The following ITPR1 variants were observed in gnomAD, a reference collection of about 807,000 sequenced individuals.
The protein encoded by ITPR1 is inositol 1,4,5-trisphosphate receptor type 1, also known as inositol 1,4,5-trisphosphate-gated calcium channel ITPR1.
In ITPR1, 96 loss-of-function variants were observed where a neutral mutation model predicts 318.4. The observed-to-expected ratio is 0.30, with a 90% confidence interval of 0.26 to 0.36. ITPR1 has a LOEUF of 0.36. Ranked by LOEUF, ITPR1 falls within the 10% of genes least tolerant of loss-of-function variation. ITPR1 has a pLI of 1.00. For missense variants in ITPR1, 2,440 were observed against 3,460.2 expected, an observed-to-expected ratio of 0.71 and a Z score of 7.40; for synonymous variants, 1,312 against 1,289.9, an observed-to-expected ratio of 1.02 and a Z score of -0.37.
intron 4 of ITPR1, among the ~76,000 whole-genome samples, chr3:4,602,658 A>C (rs1228825098): frequency 6.6e-6 from 1 of 152,194 alleles, no homozygotes; most frequent in Non-Finnish European, 1.5e-5. Context: ...GTAGACACAC[A>C]GTGGAATATT....
intron 4 of ITPR1, among the ~76,000 whole-genome samples, chr3:4,561,356 T>C (rs1324362793): frequency 1.3e-5 from 2 of 152,236 alleles, no homozygotes; most frequent in African/African-American, 4.8e-5. Flanking sequence ...CAGTGACTGA[T>C]AATGATATTG....
intron 2 of ITPR1, among the ~76,000 whole-genome samples, chr3:4,496,202 T>G (rs2080551450): frequency 6.6e-6 from 1 of 152,234 alleles, no homozygotes; most frequent in Non-Finnish European, 1.5e-5. Context: ...TTCGAAAGTT[T>G]AAACTGCAGT....
At chr3:4,841,040 AG>A (rs2051305568) in intron 61 of ITPR1, among the ~76,000 whole-genome samples, 1 of 152,226 alleles carries the variant, frequency 6.6e-6, no homozygotes, top group Non-Finnish European at 1.5e-5. Flanking sequence ...TAAGGACAGA[AG>A]GCATAACACA....
chr3:4,818,523 C>G (rs561353865), intron 60 of ITPR1, among the ~76,000 whole-genome samples: 1 of 152,292 alleles, frequency 6.6e-6, no homozygotes, highest in South Asian at 2.1e-4. Context: ...GGATTTTAAT[C>G]TGGATCAAAC....
chr3:4,673,227 C>G lies in ITPR1; in HGVS notation c.2296C>G (p.Leu766Val). 3 of 1,614,026 alleles carry G rather than the reference C, an allele frequency of 1.9e-6. No individual in the cohort carries two copies. Among genetic ancestry groups the G allele is most frequent in the Non-Finnish European group, 2.5e-6 (3 of 1,179,892 alleles). ...ISGQLDVDLILRCMSDENLPY... is the reference protein window; with the variant it reads ...ISGQLDVDLIVRCMSDENLPY... ...AGGCCAGCTGGATGTCGATCTCATT[C>G]TCCGCTGCATGTCTGACGAGAACCT... is the stretch of plus-strand genomic sequence containing the variant. The change falls in exon 21 of 62, where the codon CTC becomes GTC. Residue 766 changes from leucine (L) to valine (V), a missense_variant. Transcript: ENST00000649015.
At chr3:4,746,407 C>G (rs1021348092) in intron 44 of ITPR1, among the ~76,000 whole-genome samples, 1 of 152,202 alleles carries the variant, frequency 6.6e-6, no homozygotes, top group East Asian at 1.9e-4. Flanking sequence ...GCAACTCATG[C>G]CTGCCAATCC....
intron 44 of ITPR1, among the ~76,000 whole-genome samples, chr3:4,744,831 TA>T (rs2043960558): frequency 6.6e-6 from 1 of 152,184 alleles, no homozygotes. Context: ...ACTCAGCTAA[TA>T]AATGGGAATT....
At chr3:4,706,466 T>A in intron 37 of ITPR1, 115 bp downstream of exon 37, 3 of 888,590 alleles carry the variant, frequency 3.4e-6, no homozygotes, top group Non-Finnish European at 3.3e-6. Flanking sequence ...AAGATGTCGG[T>A]GTGCTGAACG....
chr3:4,815,763 GC>G (rs1202363109), intron 59 of ITPR1, among the ~76,000 whole-genome samples: 1 of 151,970 alleles, frequency 6.6e-6, no homozygotes, highest in Admixed American at 6.6e-5. Context: ...TCATAATATA[GC>G]TACTAAATAT....
rs958317788 is a variant in ITPR1 at position 4,706,032 on chromosome 3, T to C, written c.4658-135T>C. 6.3e-6 allele frequency: 5 copies of C among 794,448 alleles called. No homozygotes were observed. The Admixed American group carries it at 7.9e-5, about 13-fold the overall frequency. The allele number at this position is 794,448 out of a possible 1,614,324, so 49.2% of individuals were successfully genotyped here. A position where few individuals can be genotyped will look rare whatever the true frequency, so the allele number is the denominator to read the frequency against. ...AAAGTTGACTTGAGCTTCTCAGTCT[T>C]TAAGCTCAATACCAGGCAAGCTGGC... On this transcript the variant is annotated intron_variant, in intron 36 of 61. Transcript: ENST00000649015.
intron 44 of ITPR1, among the ~76,000 whole-genome samples, chr3:4,762,457 G>T (rs189766363): frequency 6.6e-6 from 1 of 152,332 alleles, no homozygotes; most frequent in East Asian, 1.9e-4. Flanking sequence ...GTGGAGCTGA[G>T]ATCCAGGCCT....
chr3:4,512,170 A>G (rs2081881804), intron 2 of ITPR1, among the ~76,000 whole-genome samples: 2 of 152,050 alleles, frequency 1.3e-5, no homozygotes, highest in African/African-American at 4.8e-5. Context: ...TTTTGTAGAA[A>G]TGGGGTCTGG....
intron 29 of ITPR1, 98 bp downstream of exon 29, chr3:4,684,444 T>G: frequency 1.2e-6 from 1 of 840,954 alleles, no homozygotes; most frequent in African/African-American, 1.7e-5. Flanking sequence ...CATTTGAGCT[T>G]TTTTCTTCAT....
intron 4 of ITPR1, among the ~76,000 whole-genome samples, chr3:4,610,997 T>TTCTCCTTCTCCTTCTCCTTCTCCC (rs2092060392): frequency 1.4e-5 from 1 of 70,930 alleles, no homozygotes; most frequent in Non-Finnish European, 2.6e-5. Flanking sequence ...CTCCTTCTCC[T>TTCTCCTTCTCCTTCTCCTTCTCCC]TCCCTTCCCT....
intron 4 of ITPR1, among the ~76,000 whole-genome samples, chr3:4,616,395 C>G (rs1258171872): frequency 6.6e-6 from 1 of 152,124 alleles, no homozygotes; most frequent in Non-Finnish European, 1.5e-5. Context: ...TCTTAACCCC[C>G]TTGGTGGGGA....
At chr3:4,791,614 A>T (rs772973669) in intron 52 of ITPR1, among the ~76,000 whole-genome samples, 1 of 152,168 alleles carries the variant, frequency 6.6e-6, no homozygotes, top group African/African-American at 2.4e-5. Context: ...GACCCCTGCT[A>T]TAAGGTACAG....
intron 61 of ITPR1, among the ~76,000 whole-genome samples, chr3:4,840,270 T>G (rs2051246860): frequency 2.6e-5 from 4 of 152,160 alleles, no homozygotes. Flanking sequence ...GAGCTGCTCT[T>G]TCTTAAATAG....
rs114204593 is a variant in ITPR1, at chr3:4,664,305, G to A, written c.1555-833G>A. Reference sequence around the variant, plus strand: ...AAACTGGTATAAAGACAAATTAGAGGCAGTAAAGTGACAAATCCAGAGTAG... The same window carrying A: ...AAACTGGTATAAAGACAAATTAGAGACAGTAAAGTGACAAATCCAGAGTAG... On this transcript the variant is annotated intron_variant, in intron 16 of 61. Transcript: ENST00000649015. 7.1e-3 allele frequency among the ~76,000 whole-genome samples: 1,086 copies of A among 152,238 alleles called. 19 individuals carry two copies. Among genetic ancestry groups the A allele is most frequent in the African/African-American group, 0.025 (1,046 of 41,544 alleles).
intron 58 of ITPR1, 141 bp downstream of exon 58, chr3:4,814,703 A>C: frequency 1.3e-6 from 1 of 750,266 alleles, no homozygotes. Flanking sequence ...GAACTAGCTC[A>C]TCAGGCTCCT....
Sources: allele counts gnomAD v4.1 joint callset (sites outside exome capture counted in the v4.1 genomes callset), GRCh38; gene constraint gnomAD v4.1.1; transcripts MANE v1.5; gene names NCBI Gene and HGNC (gene_info 2026-07-23, HGNC 2026-07-21).